Variants in SORCS3 observed in about 807,000 individuals in gnomAD.
The protein encoded by SORCS3 is VPS10 domain-containing receptor SorCS3.
Under a neutral mutation model 146.3 loss-of-function variants are expected in SORCS3, and 57 were observed. That is an observed-to-expected ratio of 0.39 (90% CI 0.31 to 0.49). SORCS3 has a LOEUF of 0.49. Ranked by LOEUF, SORCS3 falls within the 20% of genes least tolerant of loss-of-function variation. The probability of loss-of-function intolerance (pLI) is 0.92; values close to 1 mark genes in which losing one functional copy is unlikely to be tolerated. For synonymous variants in SORCS3, 653 were observed against 618.5 expected (o/e 1.06, Z -0.83); for missense variants, 1,341 against 1,575.5 (o/e 0.85, Z 2.52).
Position 104,641,350 on chromosome 10 carries a change from G to T in SORCS3, c.23G>T (p.Arg8Leu). Residue 8 changes from arginine to leucine, a missense_variant, in exon 1 of 27, where the codon CGC (arginine) becomes CTC (leucine). Coordinates refer to ENST00000369701, the MANE Select transcript of SORCS3 (RefSeq NM_014978.3). This position sits in a 1 kb window ranked among gnomAD's most constrained non-coding sequence, Gnocchi z 6.4. ...GGGATGGAGGCGGCGCGCACGGAGC[G>T]CCCCGCAGGCAGGCCGGGGGCGCCG... MEAARTERPAGRPGAPLV... is the reference protein window; with the variant it reads MEAARTELPAGRPGAPLV... 1 of 1,368,142 alleles carries T rather than the reference G, an allele frequency of 7.3e-7. No homozygotes were observed. Among genetic ancestry groups the T allele is most frequent in the African/African-American group, 1.5e-5 (1 of 65,642 alleles). The allele number at this position is 1,368,142 out of a possible 1,614,324, so 84.8% of individuals were successfully genotyped here.
At chr10:105,002,503 G>A (rs987304438) in intron 4 of SORCS3, among the ~76,000 whole-genome samples, 2 of 152,182 alleles carry the variant, frequency 1.3e-5, no homozygotes, top group Non-Finnish European at 2.9e-5. Context: ...GAATGAATAA[G>A]GTAGTGAAGA....
At chr10:104,778,434 C>T (rs2017337659) in intron 1 of SORCS3, among the ~76,000 whole-genome samples, 1 of 152,192 alleles carries the variant, frequency 6.6e-6, no homozygotes, top group Non-Finnish European at 1.5e-5. Flanking sequence ...TTAATGTCAG[C>T]TCTGTCATTT....
chr10:104,990,239 T>C (rs912097869), intron 4 of SORCS3, among the ~76,000 whole-genome samples: 17 of 152,246 alleles, frequency 1.1e-4, no homozygotes, highest in African/African-American at 4.1e-4. Flanking sequence ...ATATGTCTTA[T>C]ACTTTTTATC....
chr10:104,650,717 G>C (rs2015548645), intron 1 of SORCS3, among the ~76,000 whole-genome samples: 1 of 152,144 alleles, frequency 6.6e-6, no homozygotes, highest in Non-Finnish European at 1.5e-5. Flanking sequence ...ATACTTAAAA[G>C]TGCCTGGGTA....
At chr10:105,214,341 C>G (rs2056651919) in intron 17 of SORCS3, 101 bp from the exon 18 acceptor site, 6 of 1,345,492 alleles carry the variant, frequency 4.5e-6, no homozygotes, top group South Asian at 1.3e-5. Flanking sequence ...CTGTTTTGCT[C>G]TTGCTCTCTT....
At chr10:105,079,081 A>T (rs1006745377) in intron 5 of SORCS3, among the ~76,000 whole-genome samples, 2 of 152,174 alleles carry the variant, frequency 1.3e-5, no homozygotes, top group African/African-American at 4.8e-5. Flanking sequence ...CTTGACCATC[A>T]TCATCATGTC....
intron 3 of SORCS3, among the ~76,000 whole-genome samples, chr10:104,924,567 A>G (rs1342867352): frequency 6.6e-6 from 1 of 152,228 alleles, no homozygotes; most frequent in African/African-American, 2.4e-5. Context: ...AAAACTGCCC[A>G]GAATGGTTGA....
At chr10:104,753,250 G>A (rs954743010) in intron 1 of SORCS3, among the ~76,000 whole-genome samples, 3 of 152,222 alleles carry the variant, frequency 2.0e-5, no homozygotes, top group African/African-American at 7.2e-5. Context: ...GTTAAATTAT[G>A]AGTAAGGAAT....
chr10:105,105,721 A>T (rs1048350658), intron 7 of SORCS3, among the ~76,000 whole-genome samples: 1 of 152,134 alleles, frequency 6.6e-6, no homozygotes, highest in Non-Finnish European at 1.5e-5. Flanking sequence ...TTGGATTGCC[A>T]TTTTATAGCA....
chr10:105,075,740 C>G (rs1183178205), intron 5 of SORCS3, among the ~76,000 whole-genome samples: 1 of 152,174 alleles, frequency 6.6e-6, no homozygotes, highest in Admixed American at 6.5e-5. Context: ...ATGCCCCCTT[C>G]CTCCTGAGCT....
rs74635073 is a variant in SORCS3 at position 104,950,038 on chromosome 10, A to T, written c.796-27297A>T. 7.1e-3 allele frequency among the ~76,000 whole-genome samples: 1,083 copies of T among 152,316 alleles called. 12 individuals carry two copies. Among genetic ancestry groups the T allele is most frequent in the African/African-American group, 0.025 (1,044 of 41,566 alleles). Reference sequence around the variant, plus strand: ...GTCAGGTGAATCATGGGCAGCATTGATCTGAGATGCAGAGGTAGAAGTCAG... The same window carrying T: ...GTCAGGTGAATCATGGGCAGCATTGTTCTGAGATGCAGAGGTAGAAGTCAG... On this transcript the variant is annotated intron_variant, in intron 3 of 26. Transcript: ENST00000369701.
intron 14 of SORCS3, among the ~76,000 whole-genome samples, chr10:105,181,568 T>G (rs1450044395): frequency 2.0e-5 from 3 of 152,204 alleles, no homozygotes; most frequent in African/African-American, 7.2e-5. Flanking sequence ...ACCGTAGCTT[T>G]GCAGGAGGAT....
chr10:105,165,685 A>G (rs1229327871), intron 12 of SORCS3, among the ~76,000 whole-genome samples: 1 of 152,268 alleles, frequency 6.6e-6, no homozygotes, highest in East Asian at 1.9e-4. Context: ...GAGCCAAAGG[A>G]GGGTGGAAGC....
chr10:104,982,457 CT>C (rs1470059416), intron 4 of SORCS3, among the ~76,000 whole-genome samples: 1 of 152,168 alleles, frequency 6.6e-6, no homozygotes, highest in African/African-American at 2.4e-5. Context: ...GGCTTCCTGT[CT>C]CCTCACCTGG....
intron 4 of SORCS3, among the ~76,000 whole-genome samples, chr10:104,978,983 C>T (rs936537399): frequency 6.6e-6 from 1 of 152,184 alleles, no homozygotes; most frequent in Non-Finnish European, 1.5e-5. Flanking sequence ...TGCTCCCTTC[C>T]CTGTGCCTGG....
chr10:104,901,716 G>C, intron 2 of SORCS3, among the ~76,000 whole-genome samples: 1 of 151,898 alleles, frequency 6.6e-6, no homozygotes, highest in East Asian at 1.9e-4. Context: ...TTCAGCCCTT[G>C]GCTTTCAGGC....
At chr10:104,715,328 TG>T (rs1157109245) in intron 1 of SORCS3, among the ~76,000 whole-genome samples, 5 of 152,184 alleles carry the variant, frequency 3.3e-5, no homozygotes, top group Non-Finnish European at 7.3e-5. Context: ...CTTCTTAAGT[TG>T]GGACATCCAT....
chr10:104,966,237 C>T (rs976655456), intron 3 of SORCS3, among the ~76,000 whole-genome samples: 1 of 151,966 alleles, frequency 6.6e-6, no homozygotes, highest in Non-Finnish European at 1.5e-5. Flanking sequence ...CTTCTTTCTC[C>T]TCAGTTGAGA....
At chr10:105,254,558 T>A (rs907554882) in intron 23 of SORCS3, among the ~76,000 whole-genome samples, 5 of 152,348 alleles carry the variant, frequency 3.3e-5, no homozygotes, top group South Asian at 2.1e-4. Context: ...CTGTGCATCT[T>A]CAAGTCCTGC....
Sources: gnomAD v4.1 joint callset for allele counts (sites outside exome capture counted in the v4.1 genomes callset) on GRCh38, gnomAD v4.1.1 for gene constraint, Gnocchi (gnomAD v3.1) non-coding constraint, MANE v1.5 for transcripts, NCBI Gene and HGNC (gene_info 2026-07-23, HGNC 2026-07-21) for gene names.